The following SV2B variants were observed in gnomAD, a reference collection of about 807,000 sequenced individuals.
The protein encoded by SV2B is synaptic vesicle glycoprotein 2B, also known as solute carrier family 22 member B2.
Under a neutral mutation model 73.9 loss-of-function variants are expected in SV2B, and 41 were observed. The ratio of observed to expected loss-of-function variants is 0.56; its 90% CI spans 0.43 to 0.72. The LOEUF is 0.72. SV2B is among the 30% of genes least tolerant of loss of function. The pLI, the probability that SV2B is intolerant of heterozygous loss-of-function variation, is 0.00. For synonymous variants in SV2B, 314 were observed against 314.2 expected (o/e 1.00, Z 0.01); for missense variants, 764 against 857.8 (o/e 0.89, Z 1.37).
chr15:91,277,045 T>C (rs7176398), intron 9 of SV2B, among the ~76,000 whole-genome samples: 65,395 of 151,778 alleles, frequency 0.43, 15,204 homozygotes, highest in African/African-American at 0.58. Flanking sequence ...TAGTCTCAAA[T>C]TCCCGACATC....
intron 9 of SV2B, among the ~76,000 whole-genome samples, chr15:91,270,819 ATGGTGAATCCTGTGGATGATGGGG>A (rs1567417581): frequency 0.11 from 11,836 of 107,100 alleles, 2,523 homozygotes; most frequent in African/African-American, 0.19. Flanking sequence ...TGATGGGGGG[ATGGTGAATCCTGTGGATGATGGGG>A]GGACGGTGAA....
chr15:91,170,289 T>G (rs1596514481), intron 1 of SV2B, among the ~76,000 whole-genome samples: 1 of 105,106 alleles, frequency 9.5e-6, no homozygotes, highest in East Asian at 2.2e-4. Flanking sequence ...ATTTGTTGGA[T>G]TTTTTTTGTT....
At chr15:91,153,843 A>T (rs1020324985) in intron 1 of SV2B, among the ~76,000 whole-genome samples, 1 of 152,044 alleles carries the variant, frequency 6.6e-6, no homozygotes, top group Non-Finnish European at 1.5e-5. Context: ...CAGTAACACA[A>T]CATCTGCCAA....
intron 1 of SV2B, among the ~76,000 whole-genome samples, chr15:91,196,140 C>G (rs1034305626): frequency 1.3e-5 from 2 of 152,192 alleles, no homozygotes; most frequent in Non-Finnish European, 2.9e-5. Context: ...ATGCTGAAAT[C>G]CTCTTCTTCT....
In SV2B at chr15:91,281,939, C is replaced by T. The variant is rs1205841667; in HGVS notation, c.1507+78C>T. On this transcript the variant is annotated intron_variant, in intron 10 of 12. Transcript: ENST00000394232. The surrounding 1 kb of genome is among the most constrained non-coding windows in gnomAD (Gnocchi z 4.7). ...TTGTCCAAGAATCAAAATGGTCAGG[C>T]ATAAACTTTAGGAGTAGGAAAGTAT... The T allele has an allele frequency of 8.8e-6, 13 of 1,476,626 alleles. No individual in the cohort carries two copies. The highest frequency in any genetic ancestry group is 1.2e-5 in the Non-Finnish European group (13 of 1,096,618). 91.5% of individuals were successfully genotyped at this position (1,476,626 alleles called of 1,614,324 possible).
chr15:91,271,891 G>A (rs2048329139), intron 9 of SV2B, among the ~76,000 whole-genome samples: 2 of 152,034 alleles, frequency 1.3e-5, no homozygotes, highest in Non-Finnish European at 2.9e-5. Context: ...TTCCTCCTTT[G>A]ACTTTATTCA....
At chr15:91,153,720 G>A (rs990873106) in intron 1 of SV2B, among the ~76,000 whole-genome samples, 2 of 152,084 alleles carry the variant, frequency 1.3e-5, no homozygotes, top group Admixed American at 1.3e-4. Flanking sequence ...CCAGGAGGGG[G>A]AAGTCAAGCT....
Position 91,104,777 on chromosome 15 carries a change from C to T in SV2B, c.-392+4414C>T, listed in dbSNP as rs547179379. ...CCTCCTGAGTAGCTGGGACTACAGG[C>T]GTGCACCACCATGCCCGGCTAATTT... On this transcript the variant is annotated intron_variant, in intron 1 of 12. Coordinates refer to ENST00000394232, the MANE Select transcript of SV2B (RefSeq NM_001323032.3). Among the ~76,000 whole-genome samples, 61 of 152,278 alleles carry T rather than the reference C, an allele frequency of 4.0e-4. 2 individuals carry two copies. In the South Asian group the frequency reaches 0.012, roughly 29 times the overall value.
At chr15:91,119,781 A>G (rs575211843) in intron 1 of SV2B, among the ~76,000 whole-genome samples, 16 of 152,336 alleles carry the variant, frequency 1.1e-4, no homozygotes, top group Admixed American at 2.6e-4. Context: ...AAAATAAAAC[A>G]TTGTCAATTT....
rs368164917 is a variant in SV2B, at chr15:91,214,313, G to A, written c.-391-11560G>A. ...CTTGTGGAGTGAGGTTAAGGGTCTC[G>A]TTGTCCTTTAGAGTGTGGTATGCAT... On this transcript the variant is annotated intron_variant, in intron 1 of 12. Coordinates refer to ENST00000394232, the MANE Select transcript of SV2B (RefSeq NM_001323032.3). The surrounding 1 kb of genome is among the most constrained non-coding windows in gnomAD (Gnocchi z 4.7). Among the ~76,000 whole-genome samples, 140 of 152,282 alleles carry A rather than the reference G, an allele frequency of 9.2e-4. 3 individuals carry two copies. The South Asian group carries it at 0.028, about 31-fold the overall frequency.
intron 1 of SV2B, among the ~76,000 whole-genome samples, chr15:91,206,325 A>G (rs2045640221): frequency 6.7e-6 from 1 of 150,176 alleles, no homozygotes; most frequent in African/African-American, 2.5e-5. Flanking sequence ...TACAGGCGTG[A>G]GCCACCGTGC....
At chr15:91,166,051 A>G (rs1190643384) in intron 1 of SV2B, among the ~76,000 whole-genome samples, 2 of 152,206 alleles carry the variant, frequency 1.3e-5, no homozygotes, top group African/African-American at 4.8e-5. Flanking sequence ...TCTGGCTTCC[A>G]TGATTTCTTG....
rs543909364 is a variant in SV2B, at chr15:91,241,525, A to C, written c.452-10294A>C. 6.6e-6 allele frequency among the ~76,000 whole-genome samples: 1 copy of C among 152,014 alleles called. No individual in the cohort carries two copies. Among genetic ancestry groups the C allele is most frequent in the South Asian group, 2.1e-4 (1 of 4,800 alleles). ...ATGGTTATTTTGTGTCTTATCCACTATTTTCCAATTTCCAGCATCTCTTCC... is the reference window on the plus strand; with the variant it reads ...ATGGTTATTTTGTGTCTTATCCACTCTTTTCCAATTTCCAGCATCTCTTCC... On this transcript the variant is annotated intron_variant, in intron 2 of 12. Coordinates refer to ENST00000394232, the MANE Select transcript of SV2B (RefSeq NM_001323032.3). This position sits in a 1 kb window ranked among gnomAD's most constrained non-coding sequence, Gnocchi z 4.8.
intron 1 of SV2B, among the ~76,000 whole-genome samples, chr15:91,158,137 C>T (rs971632400): frequency 4.6e-5 from 7 of 152,128 alleles, no homozygotes; most frequent in African/African-American, 1.7e-4. Context: ...ATTTGACTCC[C>T]AATGTGATGG....
At position 91,299,277 on chromosome 15, in the gene SV2B, A is replaced by C. The variant is rs1191886679; in HGVS notation, c.*6725A>C. On this transcript the variant is annotated 3_prime_UTR_variant, in exon 13 of 13. Transcript: ENST00000394232. ...TATAAGCAATTGATGAGCAAATTAC[A>C]AATGACTGTTTTTTATTAAAACATT... is the stretch of plus-strand genomic sequence containing the variant. The C allele has an allele frequency of 5.3e-5, 8 of 152,222 alleles. No homozygotes were observed. The highest frequency in any genetic ancestry group is 1.9e-4 in the African/African-American group (8 of 41,470). The allele number at this position is 152,222 out of a possible 1,614,324, so 9.4% of individuals were successfully genotyped here. A position where few individuals can be genotyped will look rare whatever the true frequency, so the allele number is the denominator to read the frequency against.
chr15:91,117,095 C>T (rs1430166122), intron 1 of SV2B, among the ~76,000 whole-genome samples: 2 of 152,160 alleles, frequency 1.3e-5, no homozygotes, highest in Non-Finnish European at 2.9e-5. Flanking sequence ...GGTTTTGAGC[C>T]TGAGGTCTGT....
At position 91,297,008 on chromosome 15, in the gene SV2B, C is replaced by CCCGATCGTTGGGCGCATGCTCCTTCTGT. The variant is rs2049273423; in HGVS notation, c.*4472_*4473insTGCTCCTTCTGTCCGATCGTTGGGCGCA. The CCCGATCGTTGGGCGCATGCTCCTTCTGT allele has an allele frequency of 6.8e-6, 1 of 147,788 alleles. No homozygotes were observed. Among genetic ancestry groups the CCCGATCGTTGGGCGCATGCTCCTTCTGT allele is most frequent in the African/African-American group, 2.6e-5 (1 of 37,800 alleles). The allele number at this position is 147,788 out of a possible 1,614,324, so 9.2% of individuals were successfully genotyped here. On this transcript the variant is annotated 3_prime_UTR_variant, in exon 13 of 13. Coordinates refer to ENST00000394232, the MANE Select transcript of SV2B (RefSeq NM_001323032.3). The surrounding 1 kb of genome is among the most constrained non-coding windows in gnomAD (Gnocchi z 5.1). The stretch of plus-strand genomic sequence containing the variant: ...GATCGTTGGGCGCACGCTCCTTCTG[C>CCCGATCGTTGGGCGCATGCTCCTTCTGT]CCGATCGTTGGGCGCACGCTTCTTC...
At chr15:91,222,260 A>G (rs1414970521) in intron 1 of SV2B, among the ~76,000 whole-genome samples, 1 of 152,208 alleles carries the variant, frequency 6.6e-6, no homozygotes, top group Non-Finnish European at 1.5e-5. Context: ...TTTCTGTAAA[A>G]TGGGCGCAAT....
intron 2 of SV2B, among the ~76,000 whole-genome samples, chr15:91,243,971 G>A (rs1308558258): frequency 6.6e-6 from 1 of 152,174 alleles, no homozygotes; most frequent in Non-Finnish European, 1.5e-5. Flanking sequence ...CTCAGGCAGA[G>A]TGACAAATGC....
Sources: gnomAD v4.1 joint callset for allele counts (sites outside exome capture counted in the v4.1 genomes callset) on GRCh38, gnomAD v4.1.1 for gene constraint, Gnocchi (gnomAD v3.1) non-coding constraint, MANE v1.5 for transcripts, NCBI Gene and HGNC (gene_info 2026-07-23, HGNC 2026-07-21) for gene names.